Variants in SIGLECL1 observed in about 807,000 individuals in gnomAD.
SIGLECL1 encodes the protein SIGLEC family-like protein 1.
A neutral mutation model predicts 19.1 loss-of-function variants in SIGLECL1; 16 were observed. That is an observed-to-expected ratio of 0.84 (90% CI 0.57 to 1.27). The LOEUF is 1.27. Ranked by LOEUF, SIGLECL1 falls within the 50% of genes most tolerant of loss-of-function variation. The probability of loss-of-function intolerance (pLI) is 0.00; values close to 1 mark genes in which losing one functional copy is unlikely to be tolerated. For missense variants in SIGLECL1, 210 were observed against 239.4 expected (o/e 0.88, Z 0.81); for synonymous variants, 89 against 90.4 (o/e 0.98, Z 0.09).
At chr19:51,253,830 G>A (rs1982636310) in intron 1 of SIGLECL1, among the ~76,000 whole-genome samples, 1 of 152,188 alleles carries the variant, frequency 6.6e-6, no homozygotes, top group Non-Finnish European at 1.5e-5. Context: ...ATGTCTTGGG[G>A]CCAGTCATAG....
At chr19:51,250,677 T>A (rs1982426763), upstream of SIGLECL1, among the ~76,000 whole-genome samples, 1 of 151,470 alleles carries the variant, frequency 6.6e-6, no homozygotes, top group Non-Finnish European at 1.5e-5. Context: ...TGGAGAGGAG[T>A]GTGGTTTCAT....
At chr19:51,248,383 G>T (rs1033810341), upstream of SIGLECL1, among the ~76,000 whole-genome samples, 1 of 152,158 alleles carries the variant, frequency 6.6e-6, no homozygotes, top group Non-Finnish European at 1.5e-5. Flanking sequence ...CCACCAGATG[G>T]TCTTTTTTTC....
rs1983858638 is a variant in SIGLECL1, at chr19:51,268,792, C to T, written c.*195C>T. On this transcript the variant is annotated 3_prime_UTR_variant, in exon 6 of 6. Coordinates refer to ENST00000601727, the MANE Select transcript of SIGLECL1 (RefSeq NM_001385465.1). ...ATTCTCCATTGAATAGGTGGTTACTCTTAGACCTAGTCTTAGAACCTCTGA... is the reference window on the plus strand; with the variant it reads ...ATTCTCCATTGAATAGGTGGTTACTTTTAGACCTAGTCTTAGAACCTCTGA... 2 of 569,042 alleles carry T rather than the reference C, an allele frequency of 3.5e-6. No individual in the cohort carries two copies. Among genetic ancestry groups the T allele is most frequent in the Non-Finnish European group, 6.2e-6 (2 of 324,398 alleles). 35.2% of individuals were successfully genotyped at this position (569,042 alleles called of 1,614,324 possible).
Position 51,266,197 on chromosome 19 carries a change from C to G in SIGLECL1, c.410+315C>G, listed in dbSNP as rs373749216. On this transcript the variant is annotated intron_variant, in intron 4 of 5. Coordinates refer to ENST00000601727, the MANE Select transcript of SIGLECL1 (RefSeq NM_001385465.1). ...GTGGTGGGCCTGCAAGGGTTCAGTACTCGTTAGCTTGGTGGAAAGTATTAA... is the reference window on the plus strand; with the variant it reads ...GTGGTGGGCCTGCAAGGGTTCAGTAGTCGTTAGCTTGGTGGAAAGTATTAA... Among the ~76,000 whole-genome samples, 183 of 152,240 alleles carry G rather than the reference C, an allele frequency of 1.2e-3. 1 individual carries two copies. The highest frequency in any genetic ancestry group is 4.3e-3 in the African/African-American group (178 of 41,564).
chr19:51,263,651 G>A lies in SIGLECL1; in HGVS notation c.-190-232G>A, dbSNP rs142316012. ...TGAATACCTGTAATTCCAGCTACTCGGGAGGCTAAGGCAGAAGAGTCGCTT... is the reference window on the plus strand; with the variant it reads ...TGAATACCTGTAATTCCAGCTACTCAGGAGGCTAAGGCAGAAGAGTCGCTT... On this transcript the variant is annotated intron_variant, in intron 1 of 5. Coordinates refer to ENST00000601727, the MANE Select transcript of SIGLECL1 (RefSeq NM_001385465.1). 2.8e-3 allele frequency among the ~76,000 whole-genome samples: 421 copies of A among 152,230 alleles called. 2 individuals carry two copies. Among genetic ancestry groups the A allele is most frequent in the African/African-American group, 9.4e-3 (392 of 41,540 alleles).
upstream of SIGLECL1, among the ~76,000 whole-genome samples, chr19:51,250,875 G>T (rs17801843): frequency 0.16 from 24,586 of 152,220 alleles, 2,979 homozygotes; most frequent in Admixed American, 0.32. Context: ...GCACACGCCT[G>T]TGGGCACAAT....
In SIGLECL1 at chr19:51,251,451, G is replaced by C. The variant is rs1982476936; in HGVS notation, c.-285G>C. The C allele has an allele frequency of 6.5e-6, 1 of 153,192 alleles. No individual in the cohort carries two copies. Among genetic ancestry groups the C allele is most frequent in the Admixed American group, 6.5e-5 (1 of 15,284 alleles). The allele number at this position is 153,192 out of a possible 1,614,324, so 9.5% of individuals were successfully genotyped here. On this transcript the variant is annotated 5_prime_UTR_variant, in exon 1 of 6. Coordinates refer to ENST00000601727, the MANE Select transcript of SIGLECL1 (RefSeq NM_001385465.1). Reference sequence around the variant, plus strand: ...CAGGCGGTGAGATTAAGCATAGTCAGGGAGTTCGCCAGGAGCCAGCGTTCC... The same window carrying C: ...CAGGCGGTGAGATTAAGCATAGTCACGGAGTTCGCCAGGAGCCAGCGTTCC...
At chr19:51,259,006 T>C (rs1042296855) in intron 1 of SIGLECL1, among the ~76,000 whole-genome samples, 9 of 152,116 alleles carry the variant, frequency 5.9e-5, no homozygotes, top group Non-Finnish European at 8.8e-5. Flanking sequence ...CTAATCAAGA[T>C]AAATGACAAA....
Position 51,264,023 on chromosome 19 carries a change from G to A in SIGLECL1, c.-50G>A, listed in dbSNP as rs2123439766. On this transcript the variant is annotated 5_prime_UTR_variant, in exon 2 of 6. In the 5' UTR this introduces an upstream ATG that the reference lacks. Transcript: ENST00000601727. ...CCATATGGTTCTGATGTCAGAGCCA[G>A]TGTAGTAAAGAGCTTCTGCTGTTCC... 1.9e-6 allele frequency: 3 copies of A among 1,611,448 alleles called. No homozygotes were observed. The highest frequency in any genetic ancestry group is 2.2e-5 in the East Asian group (1 of 44,810).
intron 1 of SIGLECL1, among the ~76,000 whole-genome samples, chr19:51,256,621 C>G (rs1982827900): frequency 6.6e-6 from 1 of 152,138 alleles, no homozygotes; most frequent in South Asian, 2.1e-4. Context: ...GTAAATAACA[C>G]TGTACTGTAT....
At chr19:51,267,637 A>G in intron 5 of SIGLECL1, 108 bp downstream of exon 5, 1 of 1,293,546 alleles carries the variant, frequency 7.7e-7, no homozygotes, top group Non-Finnish European at 1.1e-6. Flanking sequence ...TCAGTCTTGC[A>G]GGATACCTAA....
chr19:51,262,020 C>G (rs939334755), intron 1 of SIGLECL1, among the ~76,000 whole-genome samples: 2 of 152,150 alleles, frequency 1.3e-5, no homozygotes, highest in Admixed American at 1.3e-4. Flanking sequence ...TTCATTACCC[C>G]CTTTATCCTT....
In SIGLECL1 at chr19:51,264,102, A is replaced by C. The variant is rs376428269; in HGVS notation, c.22+8A>C. On this transcript the variant is annotated splice_region_variant and intron_variant, in intron 2 of 5. Coordinates refer to ENST00000601727, the MANE Select transcript of SIGLECL1 (RefSeq NM_001385465.1). ...TTCCACTGCTACAGCTGGGTAAGTA[A>C]GGTGAGAAGCAGCACTGGAGGTGTG... The C allele has an allele frequency of 1.2e-4, 192 of 1,613,870 alleles. 1 individual carries two copies. The highest frequency in any genetic ancestry group is 1.6e-4 in the Non-Finnish European group (184 of 1,179,928).
At chr19:51,253,263 T>A (rs1459178123) in intron 1 of SIGLECL1, among the ~76,000 whole-genome samples, 1 of 152,174 alleles carries the variant, frequency 6.6e-6, no homozygotes, top group African/African-American at 2.4e-5. Context: ...CTAAGATGGG[T>A]GCTATTATTA....
At chr19:51,257,078 T>C (rs566167746) in intron 1 of SIGLECL1, among the ~76,000 whole-genome samples, 25 of 152,252 alleles carry the variant, frequency 1.6e-4, no homozygotes, top group African/African-American at 6.0e-4. Flanking sequence ...GATATAAATA[T>C]GGTATAATGA....
At chr19:51,253,961 A>G (rs1181140126) in intron 1 of SIGLECL1, among the ~76,000 whole-genome samples, 2 of 152,224 alleles carry the variant, frequency 1.3e-5, no homozygotes, top group African/African-American at 4.8e-5. Flanking sequence ...AATGGCAACC[A>G]TAGTTTCTCA....
chr19:51,265,506 G>T lies in SIGLECL1; in HGVS notation c.161G>T (p.Ser54Ile). 1 of 1,614,168 alleles carries T rather than the reference G, an allele frequency of 6.2e-7. No homozygotes were observed. The highest frequency in any genetic ancestry group is 8.5e-7 in the Non-Finnish European group (1 of 1,180,028). The part of the protein sequence containing the change: ...VPVGVDGMDG[S>I]LQVTSTMLGP... Reference sequence around the variant, plus strand: ...GTGGGTGTGGATGGCATGGATGGCAGCCTCCAAGTGACTTCCACCATGCTT... The same window carrying T: ...GTGGGTGTGGATGGCATGGATGGCATCCTCCAAGTGACTTCCACCATGCTT... Residue 54 changes from serine (S) to isoleucine (I), a missense_variant, in exon 3 of 6, where the codon AGC becomes ATC. Transcript: ENST00000601727.
intron 2 of SIGLECL1, 155 bp downstream of exon 2, chr19:51,264,249 G>C: frequency 1.2e-6 from 1 of 855,362 alleles, no homozygotes; most frequent in South Asian, 1.8e-5. Context: ...GACAGCTTCT[G>C]TGTGTCAGAT....
In SIGLECL1 at chr19:51,268,863, G is replaced by A; in HGVS notation, c.*266G>A. The A allele has an allele frequency of 2.4e-6, 1 of 423,272 alleles. No individual in the cohort carries two copies. The highest frequency in any genetic ancestry group is 4.0e-5 in the East Asian group (1 of 24,992). 26.2% of individuals were successfully genotyped at this position (423,272 alleles called of 1,614,324 possible). On this transcript the variant is annotated 3_prime_UTR_variant, in exon 6 of 6. Coordinates refer to ENST00000601727, the MANE Select transcript of SIGLECL1 (RefSeq NM_001385465.1). ...TGTTTGGCTAAATGAGAAGAAATCT[G>A]TGCCACCCTGGGAAGGTGTCAAAAG...
Sources: allele counts gnomAD v4.1 joint callset (sites outside exome capture counted in the v4.1 genomes callset), GRCh38; gene constraint gnomAD v4.1.1; transcripts MANE v1.5; gene names NCBI Gene and HGNC (gene_info 2026-07-23, HGNC 2026-07-21).